The following AGBL1 variants were observed in gnomAD, a reference collection of about 807,000 sequenced individuals.
The protein encoded by AGBL1 is AGBL carboxypeptidase 1.
Under a neutral mutation model 118.9 loss-of-function variants are expected in AGBL1, and 130 were observed. The observed-to-expected ratio is 1.09, with a 90% CI of 0.95 to 1.26. The LOEUF is 1.26. Among genes scored for constraint, AGBL1 ranks in the 50% most tolerant of loss-of-function variants. AGBL1 has a pLI of 0.00. For synonymous variants in AGBL1, 555 were observed against 478.9 expected (o/e 1.16, Z -2.08); for missense variants, 1,584 against 1,298.1 (o/e 1.22, Z -3.38).
chr15:86,634,726 C>T lies in AGBL1; in HGVS notation c.2995-39547C>T, dbSNP rs118152264. ...TATGTAAATTATTTTTCAATAAAAC[C>T]ATCATAAAAAAGAAAAATGTGCCAG... On this transcript the variant is annotated intron_variant, in intron 21 of 22. Coordinates refer to ENST00000614907, the MANE Select transcript of AGBL1 (RefSeq NM_001386094.1). Among the ~76,000 whole-genome samples, 259 of 151,942 alleles carry T rather than the reference C, an allele frequency of 1.7e-3. 4 individuals carry two copies. In the East Asian group the frequency reaches 0.021, roughly 12 times the overall value.
At chr15:86,172,141 A>G (rs1179205867) in intron 5 of AGBL1, among the ~76,000 whole-genome samples, 3 of 152,160 alleles carry the variant, frequency 2.0e-5, no homozygotes, top group Non-Finnish European at 4.4e-5. Context: ...CCATTAAAGA[A>G]CTTATTCATG....
chr15:86,812,533 G>C (rs1596505402), intron 22 of AGBL1, among the ~76,000 whole-genome samples: 1 of 152,220 alleles, frequency 6.6e-6, no homozygotes, highest in Admixed American at 6.5e-5. Flanking sequence ...AGGATATCCT[G>C]TATTTCCCTT....
chr15:86,790,038 T>C (rs1315081080), intron 22 of AGBL1, among the ~76,000 whole-genome samples: 1 of 152,196 alleles, frequency 6.6e-6, no homozygotes, highest in Non-Finnish European at 1.5e-5. Flanking sequence ...AGGGTGTTTT[T>C]GTTGTTATTT....
Position 86,915,413 on chromosome 15 carries a change from T to G in AGBL1, c.*8119T>G, listed in dbSNP as rs2080406728. On this transcript the variant is annotated 3_prime_UTR_variant, in exon 23 of 23. Transcript: ENST00000614907. ...GGTCTCTTCTCTTGACATCAGCCCC[T>G]GTTAAAGTCATAAAAACTTACTTTC... 1 of 152,270 alleles carries G rather than the reference T, an allele frequency of 6.6e-6. No homozygotes were observed. The highest frequency in any genetic ancestry group is 2.1e-4 in the South Asian group (1 of 4,830). 9.4% of individuals were successfully genotyped at this position (152,270 alleles called of 1,614,324 possible). A position where few individuals can be genotyped will look rare whatever the true frequency, so the allele number is the denominator to read the frequency against.
At chr15:86,885,973 G>A (rs945208002) in intron 22 of AGBL1, among the ~76,000 whole-genome samples, 2 of 152,186 alleles carry the variant, frequency 1.3e-5, no homozygotes, top group African/African-American at 4.8e-5. Context: ...CTAAAGGCCT[G>A]ATAGAAACAT....
chr15:86,385,259 T>G (rs1015252626), intron 17 of AGBL1, among the ~76,000 whole-genome samples: 5 of 152,220 alleles, frequency 3.3e-5, no homozygotes, highest in African/African-American at 1.2e-4. Context: ...TAAAATTAAT[T>G]TCACCTTACA....
rs2080097626 is a variant in AGBL1 at position 86,894,682 on chromosome 15, GCAGTGGTGAAACCAGTAGGAGGCCA to G, written c.3159-12403_3159-12379del. 5.9e-5 allele frequency among the ~76,000 whole-genome samples: 9 copies of G among 152,292 alleles called. No individual in the cohort carries two copies. In the South Asian group the frequency reaches 1.9e-3, roughly 32 times the overall value. On this transcript the variant is annotated intron_variant, in intron 22 of 22. Transcript: ENST00000614907. The stretch of plus-strand genomic sequence containing the variant: ...CCTGGGCACAAAGGCAGTACAAGGA[GCAGTGGTGAAACCAGTAGGAGGCCA>G]CCACACACAGAATTGCTTCTTACCA...
intron 22 of AGBL1, among the ~76,000 whole-genome samples, chr15:86,855,290 C>G (rs956014172): frequency 6.6e-6 from 1 of 152,184 alleles, no homozygotes; most frequent in Non-Finnish European, 1.5e-5. Context: ...GAAGAATACA[C>G]AAATCTGATA....
chr15:86,177,374 T>C (rs2077495385), intron 5 of AGBL1, among the ~76,000 whole-genome samples: 1 of 152,168 alleles, frequency 6.6e-6, no homozygotes, highest in Non-Finnish European at 1.5e-5. Context: ...CCTTTCTGAA[T>C]AATTGATAGA....
At chr15:86,253,395 C>G (rs1213614620) in intron 7 of AGBL1, among the ~76,000 whole-genome samples, 1 of 151,210 alleles carries the variant, frequency 6.6e-6, no homozygotes, top group East Asian at 1.9e-4. Flanking sequence ...GAATTACAGC[C>G]ATGCACCACA....
At chr15:86,130,270 A>G (rs1367991166) in intron 1 of AGBL1, among the ~76,000 whole-genome samples, 1 of 152,012 alleles carries the variant, frequency 6.6e-6, no homozygotes, top group African/African-American at 2.4e-5. Flanking sequence ...CTCATTCTTC[A>G]TCTTCAGAGT....
intron 21 of AGBL1, among the ~76,000 whole-genome samples, chr15:86,663,852 C>T (rs1032067145): frequency 3.9e-5 from 6 of 151,934 alleles, no homozygotes; most frequent in East Asian, 1.9e-4. Flanking sequence ...TTTATGCATC[C>T]GAAAAAAACA....
At chr15:86,348,537 T>G (rs1053846540) in intron 17 of AGBL1, among the ~76,000 whole-genome samples, 9 of 152,116 alleles carry the variant, frequency 5.9e-5, no homozygotes, top group Non-Finnish European at 1.0e-4. Context: ...TCCAGCACTT[T>G]GGGAGGCTGA....
At chr15:86,711,338 T>A (rs1223762198) in intron 22 of AGBL1, among the ~76,000 whole-genome samples, 2 of 152,122 alleles carry the variant, frequency 1.3e-5, no homozygotes, top group African/African-American at 2.4e-5. Context: ...GGTAAATGAG[T>A]TCTGCAGTAC....
chr15:86,285,644 T>G (rs76458793), intron 16 of AGBL1, among the ~76,000 whole-genome samples: 1,800 of 152,252 alleles, frequency 0.012, 44 homozygotes, highest in African/African-American at 0.042. Context: ...CATGACCCAG[T>G]CTCGGGTATG....
intron 18 of AGBL1, among the ~76,000 whole-genome samples, chr15:86,440,905 T>C (rs528091750): frequency 6.6e-6 from 1 of 152,130 alleles, no homozygotes; most frequent in Admixed American, 6.5e-5. Context: ...AGAATCAGAA[T>C]CAGGCATAGG....
intron 1 of AGBL1, among the ~76,000 whole-genome samples, chr15:86,107,088 A>G (rs538528059): frequency 6.6e-6 from 1 of 152,344 alleles, no homozygotes; most frequent in African/African-American, 2.4e-5. Flanking sequence ...TACTGTGGGA[A>G]ACATTCAGGG....
intron 19 of AGBL1, among the ~76,000 whole-genome samples, chr15:86,523,575 A>G (rs2083219218): frequency 6.6e-6 from 1 of 152,188 alleles, no homozygotes; most frequent in South Asian, 2.1e-4. Flanking sequence ...TGGGCAAAAA[A>G]TCATATTTCA....
intron 24 of AGBL1, among the ~76,000 whole-genome samples, chr15:87,014,929 GTCTC>G (rs2081595198): frequency 2.0e-5 from 3 of 152,042 alleles, no homozygotes; most frequent in Admixed American, 2.0e-4. Context: ...GTTTCTCGGC[GTCTC>G]TCTAAGGGTG....
Sources: allele counts gnomAD v4.1 joint callset (sites outside exome capture counted in the v4.1 genomes callset), GRCh38; gene constraint gnomAD v4.1.1; transcripts MANE v1.5; gene names NCBI Gene and HGNC (gene_info 2026-07-23, HGNC 2026-07-21).